The following USP32 variants were observed in gnomAD, a reference collection of about 807,000 sequenced individuals.
USP32 encodes the protein ubiquitin carboxyl-terminal hydrolase 32.
Under a neutral mutation model 204.8 loss-of-function variants are expected in USP32, and 59 were observed. The observed-to-expected ratio is 0.29, with a 90% confidence interval of 0.23 to 0.36. The LOEUF is 0.36. Ranked by LOEUF, USP32 falls within the 10% of genes least tolerant of loss-of-function variation. The pLI, the probability that USP32 is intolerant of heterozygous loss-of-function variation, is 1.00. For synonymous variants in USP32, 517 were observed against 678.4 expected (o/e 0.76, Z 3.70); for missense variants, 1,160 against 1,946.4 (o/e 0.60, Z 7.60).
intron 2 of USP32, among the ~76,000 whole-genome samples, chr17:60,339,868 T>TA (rs1164443198): frequency 6.6e-6 from 1 of 152,192 alleles, no homozygotes; most frequent in East Asian, 1.9e-4. Flanking sequence ...TCCTTGCTCT[T>TA]AAAAAATATA....
intron 2 of USP32, among the ~76,000 whole-genome samples, chr17:60,319,339 A>G (rs1281333371): frequency 6.6e-6 from 1 of 152,232 alleles, no homozygotes; most frequent in Non-Finnish European, 1.5e-5. Flanking sequence ...TACGAGTATA[A>G]TAAACACTTA....
rs571784785 is a variant in USP32 at position 60,186,075 on chromosome 17, C to T, written c.3643-424G>A. On this transcript the variant is annotated intron_variant, in intron 29 of 33. Transcript: ENST00000300896. ...CTCAAAAAAAAGGGAAAAGAAAACACAACCCAAACTAGAGTCTGAGCAAAT... is the reference window on the plus strand; with the variant it reads ...CTCAAAAAAAAGGGAAAAGAAAACATAACCCAAACTAGAGTCTGAGCAAAT... 2.6e-3 allele frequency: 399 copies of T among 155,964 alleles called. 5 individuals carry two copies. Among genetic ancestry groups the T allele is most frequent in the Admixed American group, 2.4e-3 (37 of 15,654 alleles). 9.7% of individuals were successfully genotyped at this position (155,964 alleles called of 1,614,324 possible).
In USP32 at chr17:60,180,611, G is replaced by A. The variant is rs775845161; in HGVS notation, c.4575C>T (p.Gly1525=). The A allele has an allele frequency of 4.3e-6, 7 of 1,613,496 alleles. No individual in the cohort carries two copies. Among genetic ancestry groups the A allele is most frequent in the African/African-American group, 1.3e-5 (1 of 74,860 alleles). ...ISCHSGILGG[G]HYVTYAKNPN... Reference sequence around the variant, plus strand: ...GGTTTTTGGCATAAGTGACGTAATGGCCCCCACCCAGAATTCCTGAATGGC... The same window carrying A: ...GGTTTTTGGCATAAGTGACGTAATGACCCCCACCCAGAATTCCTGAATGGC... The change falls in exon 33 of 34, where the codon GGC becomes GGT. Residue 1525 remains glycine (G), a synonymous_variant. Transcript: ENST00000300896.
intron 2 of USP32, among the ~76,000 whole-genome samples, chr17:60,313,608 AC>A (rs1002686487): frequency 5.9e-5 from 9 of 152,150 alleles, no homozygotes; most frequent in African/African-American, 2.2e-4. Context: ...GCGGAATAGT[AC>A]CCAAAGCTCA....
At chr17:60,382,886 A>G (rs7219222) in intron 1 of USP32, among the ~76,000 whole-genome samples, 7,006 of 152,256 alleles carry the variant, frequency 0.046, 561 homozygotes, top group African/African-American at 0.16. Context: ...TCAGCTTCAA[A>G]TATTTGAACT....
rs149570008 is a variant in USP32 at position 60,414,452 on chromosome 17, A to T, written c.106+7794T>A. ...GATTTATTTGTTTATTTTTTGAGAC[A>T]GAGTCTCGCTCTGTTGCCCAGGCTG... On this transcript the variant is annotated intron_variant, in intron 1 of 3. Coordinates refer to the USP32 transcript ENST00000588898. Among the ~76,000 whole-genome samples the T allele has an allele frequency of 5.1e-3, 774 of 151,618 alleles. 3 individuals are homozygous for T. Among genetic ancestry groups the T allele is most frequent in the Non-Finnish European group, 8.3e-3 (562 of 67,900 alleles).
chr17:60,394,738 A>T (rs542834109), upstream of USP32, among the ~76,000 whole-genome samples: 36 of 151,778 alleles, frequency 2.4e-4, no homozygotes, highest in African/African-American at 6.5e-4. Flanking sequence ...GTAATTTTTT[A>T]TTTATTTATT....
At chr17:60,380,375 G>A (rs1184304040) in intron 1 of USP32, among the ~76,000 whole-genome samples, 4 of 151,978 alleles carry the variant, frequency 2.6e-5, no homozygotes, top group Admixed American at 1.3e-4. Flanking sequence ...AAGACCAGCC[G>A]GGGCAACATA....
At chr17:60,418,035 C>T (rs2090076184) in intron 1 of USP32, among the ~76,000 whole-genome samples, 1 of 149,164 alleles carries the variant, frequency 6.7e-6, no homozygotes, top group Admixed American at 6.7e-5. Flanking sequence ...CTCGGCTCAC[C>T]ACAACCTCTG....
chr17:60,368,428 A>T (rs1312118140), intron 1 of USP32, among the ~76,000 whole-genome samples: 2 of 152,144 alleles, frequency 1.3e-5, no homozygotes, highest in Non-Finnish European at 2.9e-5. Context: ...CCCAATATAA[A>T]CATTTAAAAG....
chr17:60,232,719 G>A (rs2085604092), intron 12 of USP32, among the ~76,000 whole-genome samples: 1 of 151,590 alleles, frequency 6.6e-6, no homozygotes, highest in Non-Finnish European at 1.5e-5. Flanking sequence ...GCTAATTTTT[G>A]TATTTTTAGT....
chr17:60,280,536 T>C (rs1488571900), intron 5 of USP32, among the ~76,000 whole-genome samples: 6 of 152,376 alleles, frequency 3.9e-5, no homozygotes, highest in Middle Eastern at 3.4e-3. Flanking sequence ...AATTTTACTA[T>C]ATATTTGTGT....
intron 5 of USP32, among the ~76,000 whole-genome samples, chr17:60,284,327 C>T (rs573008868): frequency 5.9e-5 from 9 of 151,436 alleles, no homozygotes; most frequent in Non-Finnish European, 1.3e-4. Context: ...GATTCTCCTG[C>T]CTCTGCCTCC....
chr17:60,181,219 C>G, intron 32 of USP32, 105 bp downstream of exon 32: 1 of 1,425,116 alleles, frequency 7.0e-7, no homozygotes, highest in South Asian at 1.4e-5. Context: ...AAGCTCAATG[C>G]TAGGAAATAA....
chr17:60,226,658 C>T (rs1286851566), intron 12 of USP32, among the ~76,000 whole-genome samples: 4 of 151,940 alleles, frequency 2.6e-5, no homozygotes, highest in Non-Finnish European at 5.9e-5. Flanking sequence ...ACTCAGATTC[C>T]ATCATTTAGC....
At chr17:60,195,223 A>G (rs1411207807) in intron 27 of USP32, among the ~76,000 whole-genome samples, 1 of 152,250 alleles carries the variant, frequency 6.6e-6, no homozygotes, top group Non-Finnish European at 1.5e-5. Context: ...TATCAAATCC[A>G]GCGGGCAATT....
chr17:60,309,297 AC>A (rs2087799646), intron 2 of USP32, among the ~76,000 whole-genome samples: 1 of 152,138 alleles, frequency 6.6e-6, no homozygotes, highest in South Asian at 2.1e-4. Context: ...TAGCAAAAAA[AC>A]AAAACAAAAA....
intron 11 of USP32, among the ~76,000 whole-genome samples, chr17:60,246,829 T>C (rs938555121): frequency 6.6e-6 from 1 of 152,216 alleles, no homozygotes; most frequent in African/African-American, 2.4e-5. Context: ...GCCATTTGTA[T>C]GTCTTTTTTT....
chr17:60,303,334 C>T (rs1211705457), intron 2 of USP32, among the ~76,000 whole-genome samples: 3 of 151,998 alleles, frequency 2.0e-5, no homozygotes, highest in African/African-American at 7.2e-5. Context: ...CTTACAGATC[C>T]CCTATCACTG....
Sources: allele counts gnomAD v4.1 joint callset (sites outside exome capture counted in the v4.1 genomes callset), GRCh38; gene constraint gnomAD v4.1.1; transcripts MANE v1.5; gene names NCBI Gene and HGNC (gene_info 2026-07-23, HGNC 2026-07-21).